The following NHS variants were observed in gnomAD, a reference collection of about 807,000 sequenced individuals.
NHS encodes the protein NHS actin remodeling regulator, also known as actin remodeling regulator NHS.
A neutral mutation model predicts 72.5 loss-of-function variants in NHS; 5 were observed. The ratio of observed to expected loss-of-function variants is 0.07; its 90% CI spans 0.04 to 0.14. NHS has a LOEUF of 0.14. Among genes scored for constraint, NHS ranks in the 10% least tolerant of loss-of-function variants. NHS has a pLI of 1.00. For synonymous variants in NHS, 464 were observed against 547.7 expected (o/e 0.85, Z 2.13); for missense variants, 1,072 against 1,355.7 (o/e 0.79, Z 3.29).
intron 1 of NHS, among the ~76,000 whole-genome samples, chrX:17,408,961 G>T (rs1427653087): frequency 9.0e-6 from 1 of 110,616 alleles, no homozygotes; most frequent in Non-Finnish European, 1.9e-5. Flanking sequence ...AGAGGAGAGA[G>T]AGAGAGAGAG....
At chrX:17,578,618 G>A (rs2065524090) in intron 1 of NHS, among the ~76,000 whole-genome samples, 1 of 112,162 alleles carries the variant, frequency 8.9e-6, no homozygotes, top group Non-Finnish European at 1.9e-5. Flanking sequence ...ATAGTTTCAT[G>A]TGTAATAACA....
chrX:17,495,905 C>G (rs1462033221), intron 1 of NHS, among the ~76,000 whole-genome samples: 3 of 111,556 alleles, frequency 2.7e-5, no homozygotes, highest in Admixed American at 9.5e-5. Flanking sequence ...CCTGCTACCT[C>G]TCTCAAGCTG....
intron 1 of NHS, among the ~76,000 whole-genome samples, chrX:17,457,676 A>G (rs759717848): frequency 8.9e-6 from 1 of 112,299 alleles, no homozygotes; most frequent in South Asian, 3.8e-4. Context: ...ACCAGGATTT[A>G]GAGCTGGAGA....
intron 1 of NHS, among the ~76,000 whole-genome samples, chrX:17,585,486 T>C (rs1335017012): frequency 9.0e-6 from 1 of 111,128 alleles, no homozygotes; most frequent in Non-Finnish European, 1.9e-5. Context: ...GCGATGTGAG[T>C]GAAGAAGCAG....
chrX:17,667,539 G>A (rs1347395287), intron 1 of NHS, among the ~76,000 whole-genome samples: 1 of 111,090 alleles, frequency 9.0e-6, no homozygotes, highest in East Asian at 2.8e-4. Context: ...AAATGCTGCC[G>A]AGGTGTCTCA....
intron 3 of NHS, 78 bp from the exon 4 acceptor site, chrX:17,719,266 T>C (rs187374166): frequency 5.1e-5 from 42 of 827,975 alleles, no homozygotes; most frequent in Middle Eastern, 5.5e-4. Context: ...ATTAATATCA[T>C]AGATTTGGCC....
At chrX:17,656,575 C>T (rs935108741) in intron 1 of NHS, among the ~76,000 whole-genome samples, 3 of 112,685 alleles carry the variant, frequency 2.7e-5, no homozygotes, top group Non-Finnish European at 5.6e-5. Context: ...GCTGACAGTC[C>T]AGGTGGACCG....
intron 1 of NHS, among the ~76,000 whole-genome samples, chrX:17,629,430 G>C (rs2065814618): frequency 8.9e-6 from 1 of 112,077 alleles, no homozygotes; most frequent in Non-Finnish European, 1.9e-5. Context: ...TGAGAGCAGA[G>C]ACTGAGTAGC....
chrX:17,595,092 C>T (rs1383955293), intron 1 of NHS, among the ~76,000 whole-genome samples: 3 of 111,938 alleles, frequency 2.7e-5, no homozygotes, highest in Non-Finnish European at 3.8e-5. Flanking sequence ...GCAGCCACTA[C>T]ACCCACCAAG....
chrX:17,396,330 A>G (rs1054445952), intron 1 of NHS, among the ~76,000 whole-genome samples: 2 of 111,261 alleles, frequency 1.8e-5, no homozygotes, highest in African/African-American at 6.5e-5. Context: ...TTTTTACCGT[A>G]TTATCCTATC....
At chrX:17,546,777 G>C (rs1480709304) in intron 1 of NHS, among the ~76,000 whole-genome samples, 1 of 112,474 alleles carries the variant, frequency 8.9e-6, no homozygotes, top group Non-Finnish European at 1.9e-5. Flanking sequence ...TGCTGCCACT[G>C]AAAGATTGCG....
chrX:17,390,791 T>C (rs1216703615), intron 1 of NHS, among the ~76,000 whole-genome samples: 1 of 112,520 alleles, frequency 8.9e-6, no homozygotes, highest in African/African-American at 3.2e-5. Flanking sequence ...ATATATTGCG[T>C]AAGCTTGCCT....
intron 1 of NHS, among the ~76,000 whole-genome samples, chrX:17,613,042 C>G (rs1351165127): frequency 1.9e-5 from 2 of 106,914 alleles, no homozygotes; most frequent in African/African-American, 6.9e-5. Flanking sequence ...TAACATATCT[C>G]ATAGTCATGA....
At chrX:17,542,390 TGGCATTG>T (rs1316641797) in intron 1 of NHS, among the ~76,000 whole-genome samples, 4 of 113,523 alleles carry the variant, frequency 3.5e-5, no homozygotes, top group Non-Finnish European at 7.5e-5. Flanking sequence ...TATTCCTTCC[TGGCATTG>T]GCCCATGCCA....
At chrX:17,547,447 A>G (rs1166577505) in intron 1 of NHS, among the ~76,000 whole-genome samples, 1 of 111,734 alleles carries the variant, frequency 8.9e-6, no homozygotes, top group Non-Finnish European at 1.9e-5. Context: ...GTGAGATTAG[A>G]TGAGCTCAGG....
At chrX:17,589,895 A>G (rs1482700094) in intron 1 of NHS, among the ~76,000 whole-genome samples, 1 of 111,492 alleles carries the variant, frequency 9.0e-6, no homozygotes, top group African/African-American at 3.3e-5. Flanking sequence ...GTAAGATGGT[A>G]TTGGATTGTG....
intron 3 of NHS, among the ~76,000 whole-genome samples, chrX:17,713,934 G>T (rs906548069): frequency 9.0e-6 from 1 of 111,533 alleles, no homozygotes; most frequent in African/African-American, 3.3e-5. Flanking sequence ...AGCAACTCAT[G>T]GGAAGCTAGG....
rs781386202 is a variant in NHS, at chrX:17,377,259, T to C, written c.565+937T>C. ...TGGGCGTCTTTGCTGTCCGTTGACT[T>C]CGCTTTTACGACACCCAAGGGCTCC... On this transcript the variant is annotated intron_variant, in intron 1 of 8. Transcript: ENST00000676302. 1.3e-4 allele frequency among the ~76,000 whole-genome samples: 15 copies of C among 112,649 alleles called. No individual in the cohort carries two copies. The East Asian group carries it at 4.2e-3, about 32-fold the overall frequency.
At chrX:17,537,082 C>A (rs781660045) in intron 1 of NHS, among the ~76,000 whole-genome samples, 1 of 112,123 alleles carries the variant, frequency 8.9e-6, no homozygotes, top group Non-Finnish European at 1.9e-5. Context: ...TTGTCATGTC[C>A]AAGCAAGACA....
Sources: allele counts gnomAD v4.1 joint callset (sites outside exome capture counted in the v4.1 genomes callset), GRCh38; gene constraint gnomAD v4.1.1; transcripts MANE v1.5; gene names NCBI Gene and HGNC (gene_info 2026-07-23, HGNC 2026-07-21).